CCDC88C: variants seen among roughly 807,000 people sequenced by gnomAD.
CCDC88C encodes protein Daple.
A neutral mutation model predicts 198.8 loss-of-function variants in CCDC88C; 131 were observed. The ratio of observed to expected loss-of-function variants is 0.66; its 90% CI spans 0.57 to 0.76. CCDC88C has a LOEUF of 0.76. CCDC88C is among the 30% of genes least tolerant of loss of function. The pLI, the probability that CCDC88C is intolerant of heterozygous loss-of-function variation, is 0.00. For synonymous variants in CCDC88C, 1,166 were observed against 1,114.7 expected, an observed-to-expected ratio of 1.05 and a Z score of -0.92; for missense variants, 2,553 against 2,631.6, an observed-to-expected ratio of 0.97 and a Z score of 0.65.
In CCDC88C at chr14:91,279,221, A is replaced by G. The variant is rs770016495; in HGVS notation, c.4768+17T>C. 1.3e-6 allele frequency: 2 copies of G among 1,575,758 alleles called. No individual in the cohort carries two copies. The highest frequency in any genetic ancestry group is 8.6e-7 in the Non-Finnish European group (1 of 1,157,858). On this transcript the variant is annotated intron_variant, in intron 28 of 29. Transcript: ENST00000389857. ...CCCAAATCAATTTTTAAAAGTACACAGAAGCACAAGACTTACCTTTTAGGT... is the reference window on the plus strand; with the variant it reads ...CCCAAATCAATTTTTAAAAGTACACGGAAGCACAAGACTTACCTTTTAGGT...
At chr14:91,404,312 C>A (rs1244667101) in intron 3 of CCDC88C, among the ~76,000 whole-genome samples, 1 of 152,220 alleles carries the variant, frequency 6.6e-6, no homozygotes, top group African/African-American at 2.4e-5. Flanking sequence ...CCCTGCCTTC[C>A]TGTCCTGGGG....
intron 3 of CCDC88C, among the ~76,000 whole-genome samples, chr14:91,405,654 C>T (rs1296069575): frequency 2.6e-5 from 4 of 152,194 alleles, no homozygotes; most frequent in Non-Finnish European, 5.9e-5. Context: ...ACGTTAACGG[C>T]GATTGTCTCT....
intron 27 of CCDC88C, 52 bp downstream of exon 27, chr14:91,281,405 A>G (rs1890192050): frequency 1.2e-6 from 2 of 1,612,682 alleles, no homozygotes; most frequent in East Asian, 2.2e-5. Context: ...TACCGTGGAT[A>G]AAAACCAGTC....
chr14:91,340,669 A>G (rs936099252), intron 6 of CCDC88C, among the ~76,000 whole-genome samples: 4 of 152,104 alleles, frequency 2.6e-5, no homozygotes, highest in African/African-American at 7.2e-5. Flanking sequence ...TCTCCTCTCA[A>G]TTTTGGAAGA....
At chr14:91,298,206 GGGA>G (rs1390619324) in intron 21 of CCDC88C, among the ~76,000 whole-genome samples, 14 of 152,138 alleles carry the variant, frequency 9.2e-5, no homozygotes, top group Non-Finnish European at 1.6e-4. Flanking sequence ...AGGCTGAGGA[GGGA>G]GGATCGCTTG....
intron 23 of CCDC88C, among the ~76,000 whole-genome samples, chr14:91,293,452 GT>G (rs1567055389): frequency 2.7e-4 from 18 of 66,902 alleles, no homozygotes; most frequent in Non-Finnish European, 4.0e-4. Flanking sequence ...ACCTGCCACG[GT>G]CCACCTTCCC....
chr14:91,314,158 A>G lies in CCDC88C; in HGVS notation c.1666-8T>C. 6.3e-7 allele frequency: 1 copy of G among 1,599,278 alleles called. No homozygotes were observed. The highest frequency in any genetic ancestry group is 2.2e-5 in the East Asian group (1 of 44,632). On this transcript the variant is annotated splice_polypyrimidine_tract_variant and splice_region_variant and intron_variant, in intron 14 of 29. Transcript: ENST00000389857. The stretch of plus-strand genomic sequence containing the variant: ...CTGCTCAAGGTCCTTGATCTACGGG[A>G]AAACACAACAGGCACAACCCAGGCT...
At position 91,345,824 on chromosome 14, in the gene CCDC88C, G is replaced by A. The variant is rs562324908; in HGVS notation, c.341-2167C>T. On this transcript the variant is annotated intron_variant, in intron 4 of 29. Transcript: ENST00000389857. ...CACCTGCGCCTAGACGATGGGCTTG[G>A]TCACCCAGGAACTGTGTGTCCCAGA... is the stretch of plus-strand genomic sequence containing the variant. 1.3e-4 allele frequency among the ~76,000 whole-genome samples: 19 copies of A among 151,964 alleles called. No individual in the cohort carries two copies. In the South Asian group the frequency reaches 2.5e-3, roughly 20 times the overall value.
Position 91,313,215 on chromosome 14 carries a change from CTTCTCAACGGCGGACAG to C in CCDC88C, c.2584_2600del (p.Leu862GlyfsTer60). On this transcript the variant is annotated frameshift_variant, in exon 15 of 30. Transcript: ENST00000389857. LOFTEE classifies it high-confidence loss of function. The surrounding 1 kb of genome is among the most constrained non-coding windows in gnomAD (Gnocchi z 5.2). ...GCTCCTTGTCCAGCGCGCGGCTCTC[CTTCTCAACGGCGGACAG>C]TTTGGCAGTGCTATCGTCCAAGACT... is the stretch of plus-strand genomic sequence containing the variant. 6.2e-7 allele frequency: 1 copy of C among 1,613,832 alleles called. No homozygotes were observed. Among genetic ancestry groups the C allele is most frequent in the Non-Finnish European group, 8.5e-7 (1 of 1,179,818 alleles).
chr14:91,351,400 C>T (rs1250160856), intron 4 of CCDC88C, among the ~76,000 whole-genome samples: 2 of 152,216 alleles, frequency 1.3e-5, no homozygotes, highest in Non-Finnish European at 2.9e-5. Context: ...GAGGGCCCTC[C>T]TGAGGGCTCA....
In CCDC88C at chr14:91,305,766, T is replaced by A; in HGVS notation, c.3356A>T (p.Gln1119Leu). ...ACTGGTGTTGGGAGCCCCGCTCACC[T>A]GCAGCTTGGCGGTCTGGGTCTGCAG... is the stretch of plus-strand genomic sequence containing the variant. Reference protein sequence around the residue: ...TTLQTQTAKLQVENSTLSSQS... With the variant: ...TTLQTQTAKLLVENSTLSSQS... The change falls in exon 19 of 30, where the codon CAG becomes CTG. Residue 1119 changes from glutamine to leucine, a missense_variant and splice_region_variant. Gln to Leu is a moderately radical substitution (Grantham distance 113). Coordinates refer to ENST00000389857, the MANE Select transcript of CCDC88C (RefSeq NM_001080414.4). The A allele has an allele frequency of 1.3e-6, 2 of 1,598,666 alleles. No individual in the cohort carries two copies. Among genetic ancestry groups the A allele is most frequent in the Admixed American group, 1.7e-5 (1 of 59,798 alleles).
At chr14:91,292,514 T>C (rs1439454639) in intron 23 of CCDC88C, among the ~76,000 whole-genome samples, 1 of 151,928 alleles carries the variant, frequency 6.6e-6, no homozygotes, top group Non-Finnish European at 1.5e-5. Context: ...ATACAAACCA[T>C]CCTCCCGAAG....
rs1009983826 is a variant in CCDC88C at position 91,352,032 on chromosome 14, C to T, written c.340+7610G>A. Reference sequence around the variant, plus strand: ...GCCTGCAGCTTGAGACTCAAGTTTGCCCTGGGAAGGGGCGAGGAGCTAGGG... The same window carrying T: ...GCCTGCAGCTTGAGACTCAAGTTTGTCCTGGGAAGGGGCGAGGAGCTAGGG... On this transcript the variant is annotated intron_variant, in intron 4 of 29. Coordinates refer to ENST00000389857, the MANE Select transcript of CCDC88C (RefSeq NM_001080414.4). The surrounding 1 kb of genome is among the most constrained non-coding windows in gnomAD (Gnocchi z 4.2). Among the ~76,000 whole-genome samples, 2 of 152,326 alleles carry T rather than the reference C, an allele frequency of 1.3e-5. No individual in the cohort carries two copies. Among genetic ancestry groups the T allele is most frequent in the East Asian group, 1.9e-4 (1 of 5,180 alleles).
At position 91,314,155 on chromosome 14, in the gene CCDC88C, G is replaced by A. The variant is rs776976640; in HGVS notation, c.1666-5C>T. ...TTCCTGCTCAAGGTCCTTGATCTAC[G>A]GGAAAACACAACAGGCACAACCCAG... On this transcript the variant is annotated splice_polypyrimidine_tract_variant and splice_region_variant and intron_variant, in intron 14 of 29. Coordinates refer to ENST00000389857, the MANE Select transcript of CCDC88C (RefSeq NM_001080414.4). The A allele has an allele frequency of 1.4e-4, 225 of 1,601,204 alleles. No individual in the cohort carries two copies. Among genetic ancestry groups the A allele is most frequent in the Middle Eastern group, 1.7e-4 (1 of 6,060 alleles).
chr14:91,273,562 G>A lies in CCDC88C; in HGVS notation c.5150C>T (p.Ala1717Val), dbSNP rs766205214. Reference sequence around the variant, plus strand: ...GGGCATCTTGGCCCCTTCTTTCTTGGCAGGTGGTCCTGGTTGGCCTCCGAT... The same window carrying A: ...GGGCATCTTGGCCCCTTCTTTCTTGACAGGTGGTCCTGGTTGGCCTCCGAT... ...PAIGGQPGPPAKKEGAKMPTN... is the reference protein window; with the variant it reads ...PAIGGQPGPPVKKEGAKMPTN... The change falls in exon 30 of 30, where the codon GCC becomes GTC. Residue 1717 changes from alanine (A) to valine (V), a missense_variant. Coordinates refer to ENST00000389857, the MANE Select transcript of CCDC88C (RefSeq NM_001080414.4). This position sits in a 1 kb window ranked among gnomAD's most constrained non-coding sequence, Gnocchi z 5.6. 1 of 1,507,180 alleles carries A rather than the reference G, an allele frequency of 6.6e-7. No individual in the cohort carries two copies. The highest frequency in any genetic ancestry group is 8.9e-7 in the Non-Finnish European group (1 of 1,126,568). The allele number at this position is 1,507,180 out of a possible 1,614,324, so 93.4% of individuals were successfully genotyped here. A position where few individuals can be genotyped will look rare whatever the true frequency, so the allele number is the denominator to read the frequency against.
chr14:91,379,160 T>C (rs1465256782), intron 3 of CCDC88C: 1 of 152,240 alleles, frequency 6.6e-6, no homozygotes, highest in Non-Finnish European at 1.5e-5. Flanking sequence ...AGAGTTCTGA[T>C]CCCTTCTCTG....
At chr14:91,336,574 C>A (rs1349470142) in intron 10 of CCDC88C, among the ~76,000 whole-genome samples, 1 of 151,876 alleles carries the variant, frequency 6.6e-6, no homozygotes, top group Non-Finnish European at 1.5e-5. Flanking sequence ...CCCATCTGTG[C>A]CAGAGATTCG....
At chr14:91,298,314 C>A (rs1225662975) in intron 21 of CCDC88C, among the ~76,000 whole-genome samples, 2 of 151,858 alleles carry the variant, frequency 1.3e-5, no homozygotes, top group Non-Finnish European at 2.9e-5. Context: ...GCGGAGCTTG[C>A]AGTGAGCCGA....
At chr14:91,343,345 C>T (rs528787719) in intron 5 of CCDC88C, among the ~76,000 whole-genome samples, 1 of 152,326 alleles carries the variant, frequency 6.6e-6, no homozygotes, top group Non-Finnish European at 1.5e-5. Context: ...GTGATTCCTA[C>T]GCTGGGGACG....
Sources: allele counts gnomAD v4.1 joint callset (sites outside exome capture counted in the v4.1 genomes callset), GRCh38; gene constraint gnomAD v4.1.1; non-coding constraint Gnocchi (gnomAD v3.1); transcripts MANE v1.5; gene names NCBI Gene and HGNC (gene_info 2026-07-23, HGNC 2026-07-21).